DYNC1I2: variants seen among roughly 807,000 people sequenced by gnomAD.
The protein encoded by DYNC1I2 is cytoplasmic dynein 1 intermediate chain 2.
In DYNC1I2, 53 loss-of-function variants were observed where a neutral mutation model predicts 88.6. That is an observed-to-expected ratio of 0.60 (90% CI 0.48 to 0.75). DYNC1I2 has a LOEUF of 0.75. Ranked by LOEUF, DYNC1I2 falls within the 30% of genes least tolerant of loss-of-function variation. The pLI, the probability that DYNC1I2 is intolerant of heterozygous loss-of-function variation, is 0.00. For synonymous variants in DYNC1I2, 198 were observed against 254.6 expected (o/e 0.78, Z 2.12); for missense variants, 458 against 766.6 (o/e 0.60, Z 4.75).
At chr2:171,704,303 C>T (rs1291913560) in intron 3 of DYNC1I2, among the ~76,000 whole-genome samples, 1 of 150,002 alleles carries the variant, frequency 6.7e-6, no homozygotes, top group South Asian at 2.1e-4. Context: ...CTCACATTAC[C>T]TACATGATCA....
intron 15 of DYNC1I2, among the ~76,000 whole-genome samples, chr2:171,733,459 C>CTTTTTTTTTTTTTTTTTTTTT (rs61079902): frequency 7.2e-5 from 4 of 55,802 alleles, no homozygotes; most frequent in South Asian, 9.6e-4. Context: ...TTGCCAGCAT[C>CTTTTTTTTTTTTTTTTTTTTT]TTTTTTTTTT....
At chr2:171,715,225 G>T (rs936493060) in intron 6 of DYNC1I2, 103 bp from the exon 7 acceptor site, 7 of 628,120 alleles carry the variant, frequency 1.1e-5, no homozygotes, top group South Asian at 3.1e-5. Context: ...AAAATGGATT[G>T]AAATTACAAT....
At chr2:171,699,975 C>T (rs1217107725) in intron 3 of DYNC1I2, among the ~76,000 whole-genome samples, 1 of 151,838 alleles carries the variant, frequency 6.6e-6, no homozygotes, top group East Asian at 1.9e-4. Context: ...TTTTTTCTCC[C>T]CAAAACAATA....
chr2:171,731,796 AC>A (rs1185549592), intron 15 of DYNC1I2, among the ~76,000 whole-genome samples: 1 of 112,758 alleles, frequency 8.9e-6, no homozygotes, highest in Non-Finnish European at 2.2e-5. Context: ...GTGACCTTGA[AC>A]TGGGAAAAGC....
intron 15 of DYNC1I2, among the ~76,000 whole-genome samples, chr2:171,736,908 T>C (rs973115497): frequency 3.3e-5 from 5 of 152,200 alleles, no homozygotes; most frequent in African/African-American, 1.2e-4. Flanking sequence ...ACTATCTTTG[T>C]TATTAATCTA....
intron 7 of DYNC1I2, among the ~76,000 whole-genome samples, chr2:171,719,378 A>C (rs949704883): frequency 6.6e-6 from 1 of 152,236 alleles, no homozygotes; most frequent in Non-Finnish European, 1.5e-5. Context: ...GGAAAGAGAA[A>C]AACCTTGAAA....
At chr2:171,739,696 C>CTCTCTCTCTCTCTTTTTTTTTTTTTT (rs1689267774) in intron 15 of DYNC1I2, among the ~76,000 whole-genome samples, 6 of 65,090 alleles carry the variant, frequency 9.2e-5, no homozygotes, top group African/African-American at 3.4e-4. Context: ...TGACATATCT[C>CTCTCTCTCTCTCTTTTTTTTTTTTTT]TTTTTTTTTT....
chr2:171,729,618 A>C (rs1271089537), intron 14 of DYNC1I2, 91 bp from the exon 15 acceptor site: 1 of 1,352,442 alleles, frequency 7.4e-7, no homozygotes, highest in Non-Finnish European at 1.0e-6. Flanking sequence ...AAATGAAGTC[A>C]AGGCCTGATA....
At chr2:171,702,492 C>T (rs915659575) in intron 3 of DYNC1I2, among the ~76,000 whole-genome samples, 5 of 152,088 alleles carry the variant, frequency 3.3e-5, no homozygotes, top group African/African-American at 1.2e-4. Flanking sequence ...CAGTAAACCA[C>T]AGTAAAAAAT....
rs562439651 is a variant in DYNC1I2, at chr2:171,716,937, A to G, written c.511+1494A>G. On this transcript the variant is annotated intron_variant, in intron 7 of 17. Transcript: ENST00000397119. ...AAAAAAGAAAATTAGGATTGTAACT[A>G]TTTACAACCTTTTGACTTAATAGTA... is the stretch of plus-strand genomic sequence containing the variant. Among the ~76,000 whole-genome samples the G allele has an allele frequency of 1.1e-3, 162 of 151,800 alleles. 1 individual carries two copies. Among genetic ancestry groups the G allele is most frequent in the African/African-American group, 3.9e-3 (160 of 41,380 alleles).
intron 3 of DYNC1I2, among the ~76,000 whole-genome samples, chr2:171,697,696 A>G (rs1397784375): frequency 3.3e-5 from 5 of 151,716 alleles, no homozygotes; most frequent in Admixed American, 1.3e-4. Context: ...AAAAAAAAAA[A>G]AGAAAAACAA....
intron 16 of DYNC1I2, 73 bp downstream of exon 16, chr2:171,744,262 C>A: frequency 6.9e-7 from 1 of 1,457,716 alleles, no homozygotes; most frequent in Non-Finnish European, 9.1e-7. Context: ...TTGTGAAATT[C>A]CTTTTTTTCC....
At chr2:171,717,777 C>T (rs550185447) in intron 7 of DYNC1I2, among the ~76,000 whole-genome samples, 2 of 152,164 alleles carry the variant, frequency 1.3e-5, no homozygotes, top group Admixed American at 6.5e-5. Context: ...CACAGTGACT[C>T]ATTTAAAAAA....
chr2:171,706,632 TAGAAGGCA>T (rs1686699005), intron 4 of DYNC1I2, 68 bp downstream of exon 4: 2 of 1,419,224 alleles, frequency 1.4e-6, no homozygotes, highest in East Asian at 4.6e-5. Flanking sequence ...GCATAATGTC[TAGAAGGCA>T]TGCTGTTTTA....
chr2:171,735,665 CA>C (rs1688953787), intron 15 of DYNC1I2, among the ~76,000 whole-genome samples: 1 of 152,126 alleles, frequency 6.6e-6, no homozygotes, highest in Admixed American at 6.5e-5. Context: ...CTCAAAATAC[CA>C]AATTTTAAAT....
chr2:171,698,237 G>C lies in DYNC1I2; in HGVS notation c.226+5343G>C, dbSNP rs1485024394. ...ATTCTTTCTGCATTTATTGGCTAAAGCTCTTCTGTAAAGGGGAGCTTTCTC... is the reference window on the plus strand; with the variant it reads ...ATTCTTTCTGCATTTATTGGCTAAACCTCTTCTGTAAAGGGGAGCTTTCTC... On this transcript the variant is annotated intron_variant, in intron 3 of 17. Transcript: ENST00000397119. Among the ~76,000 whole-genome samples the C allele has an allele frequency of 3.9e-5, 6 of 152,256 alleles. No individual in the cohort carries two copies. The South Asian group carries it at 6.2e-4, about 16-fold the overall frequency.
At chr2:171,690,044 G>C (rs1394521175) in intron 1 of DYNC1I2, 103 bp from the exon 2 acceptor site, 2 of 593,238 alleles carry the variant, frequency 3.4e-6, no homozygotes, top group Non-Finnish European at 2.7e-6. Flanking sequence ...GCTTTTTTGA[G>C]ATAGCATTGA....
rs762889443 is a variant in DYNC1I2, at chr2:171,726,175, G to A, written c.771-19G>A. The A allele has an allele frequency of 1.9e-6, 3 of 1,597,306 alleles. No individual in the cohort carries two copies. The East Asian group carries it at 6.7e-5, about 36-fold the overall frequency. On this transcript the variant is annotated intron_variant, in intron 9 of 17. Transcript: ENST00000397119. ...AGTTATAACACCATCTTTTTGGGGGGTTTGGTCTTTTTTTGTAGAGAGATT... is the reference window on the plus strand; with the variant it reads ...AGTTATAACACCATCTTTTTGGGGGATTTGGTCTTTTTTTGTAGAGAGATT...
At chr2:171,707,040 A>G in intron 4 of DYNC1I2, 2 of 588,754 alleles carry the variant, frequency 3.4e-6, no homozygotes, top group Non-Finnish European at 5.9e-6. Context: ...TTGCCTTTTT[A>G]AAAAAATTAT....
Sources: gnomAD v4.1 joint callset for allele counts (sites outside exome capture counted in the v4.1 genomes callset) on GRCh38, gnomAD v4.1.1 for gene constraint, MANE v1.5 for transcripts, NCBI Gene and HGNC (gene_info 2026-07-23, HGNC 2026-07-21) for gene names.